The following PDILT variants were observed in gnomAD, a reference collection of about 807,000 sequenced individuals.
The protein encoded by PDILT is protein disulfide isomerase like, testis expressed.
PDILT carries 43 observed loss-of-function variants against 53.7 expected under a neutral mutation model. The observed-to-expected ratio is 0.80, with a 90% CI of 0.63 to 1.03. PDILT has a LOEUF of 1.03. Among genes scored for constraint, PDILT ranks in the 50% least tolerant of loss-of-function variants. The pLI is 0.00. For missense variants in PDILT, 727 were observed against 712.3 expected, an observed-to-expected ratio of 1.02 and a Z score of -0.24; for synonymous variants, 282 against 274.2, an observed-to-expected ratio of 1.03 and a Z score of -0.28.
At chr16:20,363,071 C>CAAAAA (rs1187383410) in intron 9 of PDILT, among the ~76,000 whole-genome samples, 28 of 93,510 alleles carry the variant, frequency 3.0e-4, no homozygotes, top group East Asian at 6.4e-4. Flanking sequence ...GACTCCATCT[C>CAAAAA]AAAAAAAAAA....
intron 10 of PDILT, among the ~76,000 whole-genome samples, chr16:20,361,694 C>T (rs948041065): frequency 6.6e-6 from 1 of 152,096 alleles, no homozygotes; most frequent in Non-Finnish European, 1.5e-5. Flanking sequence ...ACCCTTCTGC[C>T]CACCTCTTTG....
intron 3 of PDILT, 151 bp downstream of exon 3, chr16:20,384,494 C>T (rs1966503718): frequency 2.2e-6 from 2 of 892,422 alleles, no homozygotes; most frequent in African/African-American, 3.3e-5. Flanking sequence ...GAGCAGGTGG[C>T]TCCAAGGCCC....
chr16:20,359,381 C>T lies in PDILT; in HGVS notation c.1693G>A (p.Val565Met), dbSNP rs751554272. The T allele has an allele frequency of 6.2e-7, 1 of 1,614,178 alleles. No homozygotes were observed. ...KKTSEEVVVVVAKPKGPPVQK... is the reference protein window; with the variant it reads ...KKTSEEVVVVMAKPKGPPVQK... ...ACTGGAGGTCCCTTTGGCTTAGCCA[C>T]CACCACCACCACCTCCTCAGATGTT... is the stretch of plus-strand genomic sequence containing the variant. Residue 565 changes from valine (V) to methionine (M), a missense_variant, in exon 12 of 12, where the codon GTG (valine) becomes ATG (methionine). Val to Met is a conservative substitution (Grantham distance 21). Coordinates refer to ENST00000302451, the MANE Select transcript of PDILT (RefSeq NM_174924.2).
intron 2 of PDILT, 41 bp from the exon 3 acceptor site, chr16:20,384,892 G>C (rs761415223): frequency 1.3e-6 from 2 of 1,573,094 alleles, no homozygotes; most frequent in African/African-American, 1.3e-5. Context: ...GCCTTTCCTC[G>C]CTCCCCATCT....
intron 1 of PDILT, among the ~76,000 whole-genome samples, chr16:20,403,780 C>G (rs1334034955): frequency 6.6e-6 from 1 of 151,818 alleles, no homozygotes; most frequent in African/African-American, 2.4e-5. Context: ...TATCGCCCTC[C>G]TCTCTCTCTC....
intron 2 of PDILT, chr16:20,391,224 G>A (rs375316908): frequency 3.8e-5 from 6 of 158,454 alleles, no homozygotes; most frequent in Admixed American, 5.9e-5. Context: ...CATCATAATC[G>A]TCATCACCAG....
At position 20,376,124 on chromosome 16, in the gene PDILT, C is replaced by A; in HGVS notation, c.487G>T (p.Glu163Ter). Residue 163 changes from glutamate (E) to a stop codon, truncating the protein, a stop_gained, in exon 4 of 12, where the codon GAG becomes TAG. Coordinates refer to ENST00000302451, the MANE Select transcript of PDILT (RefSeq NM_174924.2). LOFTEE classifies it high-confidence loss of function. ...SQKAFLFNSSEQVAEFVISRP... is the reference protein window; with the variant it reads ...SQKAFLFNSS ...GATATCACAAACTCTGCCACCTGCTCGCTGCTGTTGAACAAAAATGCTTTC... is the reference window on the plus strand; with the variant it reads ...GATATCACAAACTCTGCCACCTGCTAGCTGCTGTTGAACAAAAATGCTTTC... The A allele has an allele frequency of 1.2e-6, 2 of 1,614,180 alleles. No individual in the cohort carries two copies. Among genetic ancestry groups the A allele is most frequent in the Admixed American group, 1.7e-5 (1 of 60,012 alleles).
chr16:20,371,997 A>G (rs1966313701), intron 7 of PDILT, among the ~76,000 whole-genome samples: 1 of 152,124 alleles, frequency 6.6e-6, no homozygotes, highest in Admixed American at 6.5e-5. Context: ...TGTTTTATTT[A>G]ATTTCAGATT....
In PDILT at chr16:20,384,628, C is replaced by T. The variant is rs747117646; in HGVS notation, c.409+17G>A. On this transcript the variant is annotated intron_variant, in intron 3 of 11. Coordinates refer to ENST00000302451, the MANE Select transcript of PDILT (RefSeq NM_174924.2). ...TTCCATGAGCATGAAACAAGTGTGA[C>T]ACACAAGCACCATTACCTTTGCAGC... is the stretch of plus-strand genomic sequence containing the variant. 6.8e-6 allele frequency: 11 copies of T among 1,613,730 alleles called. No individual in the cohort carries two copies. Among genetic ancestry groups the T allele is most frequent in the Non-Finnish European group, 9.3e-6 (11 of 1,179,976 alleles).
At chr16:20,360,468 C>T in intron 11 of PDILT, 100 bp downstream of exon 11, 1 of 1,128,984 alleles carries the variant, frequency 8.9e-7, no homozygotes, top group Non-Finnish European at 1.3e-6. Context: ...AACCATCTCC[C>T]AAGATTATGG....
chr16:20,374,373 T>C (rs1283584367), intron 5 of PDILT, among the ~76,000 whole-genome samples: 3 of 152,134 alleles, frequency 2.0e-5, no homozygotes, highest in South Asian at 4.1e-4. Context: ...GGTGGTTGCA[T>C]CATTCCTGGA....
intron 2 of PDILT, among the ~76,000 whole-genome samples, chr16:20,391,534 T>G (rs1412544287): frequency 6.6e-6 from 1 of 152,128 alleles, no homozygotes. Flanking sequence ...CTAATGGTAG[T>G]GAGTCCTTCT....
Position 20,384,821 on chromosome 16 carries a change from A to G in PDILT, c.233T>C (p.Leu78Ser). The G allele has an allele frequency of 6.2e-7, 1 of 1,614,138 alleles. No homozygotes were observed. The highest frequency in any genetic ancestry group is 8.5e-7 in the Non-Finnish European group (1 of 1,180,026). Reference sequence around the variant, plus strand: ...CACAGCTTTGCCCAGCTCTTCCGCCAAGTTCCTGGATTGCTTTGAGGATGG... The same window carrying G: ...CACAGCTTTGCCCAGCTCTTCCGCCGAGTTCCTGGATTGCTTTGAGGATGG... Reference protein sequence around the residue: ...HNPSSKQSRNLAEELGKAVEI... With the variant: ...HNPSSKQSRNSAEELGKAVEI... The change falls in exon 3 of 12, where the codon TTG becomes TCG. Residue 78 changes from leucine (L) to serine (S), a missense_variant. By Grantham distance (145) the Leu-to-Ser change is moderately radical (BLOSUM62 -2). Transcript: ENST00000302451.
At chr16:20,399,054 G>T in intron 2 of PDILT, 45 bp downstream of exon 2, 1 of 1,605,536 alleles carries the variant, frequency 6.2e-7, no homozygotes. Flanking sequence ...AAGGAGGCAG[G>T]CCTCATCCCA....
At position 20,360,632 on chromosome 16, in the gene PDILT, G is replaced by A. The variant is rs537414446; in HGVS notation, c.1442C>T (p.Thr481Ile). 1 of 1,613,964 alleles carries A rather than the reference G, an allele frequency of 6.2e-7. No individual in the cohort carries two copies. Among genetic ancestry groups the A allele is most frequent in the Admixed American group, 1.7e-5 (1 of 60,020 alleles). The change falls in exon 11 of 12, where the codon ACC becomes ATC. Residue 481 changes from threonine (T) to isoleucine (I), a missense_variant. By Grantham distance (89) the Thr-to-Ile change is moderately conservative (BLOSUM62 -1). Coordinates refer to ENST00000302451, the MANE Select transcript of PDILT (RefSeq NM_174924.2). ...QQAVLYKGEH[T>I]LKGFSDFLES... is the part of the protein sequence containing the mutation. ...CAGGAAGTCAGAGAAGCCCTTCAGG[G>A]TGTGTTCTCCCTTATACAGGACAGC...
chr16:20,369,785 G>T, intron 7 of PDILT, 96 bp from the exon 8 acceptor site: 1 of 1,252,254 alleles, frequency 8.0e-7, no homozygotes, highest in Non-Finnish European at 1.2e-6. Context: ...ACATGGTGGG[G>T]TCTGTGGAGC....
rs758891299 is a variant in PDILT, at chr16:20,359,568, C to T, written c.1507-1G>A. 6 of 1,612,574 alleles carry T rather than the reference C, an allele frequency of 3.7e-6. No individual in the cohort carries two copies. The African/African-American group carries it at 8.0e-5, about 22-fold the overall frequency. On this transcript the variant is annotated splice_acceptor_variant, in intron 11 of 11. Coordinates refer to ENST00000302451, the MANE Select transcript of PDILT (RefSeq NM_174924.2). LOFTEE classifies it high-confidence loss of function. Reference sequence around the variant, plus strand: ...CTTCATTTTGCTCAACAGACAACAGCTATGAAAGCAAAGGTGGAAGGAAGA... The same window carrying T: ...CTTCATTTTGCTCAACAGACAACAGTTATGAAAGCAAAGGTGGAAGGAAGA...
At chr16:20,368,964 G>A (rs192721990) in intron 8 of PDILT, among the ~76,000 whole-genome samples, 2 of 152,288 alleles carry the variant, frequency 1.3e-5, no homozygotes, top group Admixed American at 1.3e-4. Context: ...GAGTAGCTGT[G>A]GAGACATAGA....
At chr16:20,375,015 A>C in intron 4 of PDILT, 56 bp from the exon 5 acceptor site, 17 of 1,537,928 alleles carry the variant, frequency 1.1e-5, no homozygotes, top group Non-Finnish European at 1.3e-5. Flanking sequence ...TGCCTGGTTT[A>C]TATAAGGGAA....
Sources: allele counts gnomAD v4.1 joint callset (sites outside exome capture counted in the v4.1 genomes callset), GRCh38; gene constraint gnomAD v4.1.1; transcripts MANE v1.5; gene names NCBI Gene and HGNC (gene_info 2026-07-23, HGNC 2026-07-21).